The following DNAH14 variants were observed in gnomAD, a reference collection of about 807,000 sequenced individuals.
DNAH14 encodes the protein dynein axonemal heavy chain 14, also known as axonemal beta dynein heavy chain 14.
Under a neutral mutation model 520.9 loss-of-function variants are expected in DNAH14, and 478 were observed. The observed-to-expected ratio is 0.92, with a 90% CI of 0.85 to 0.99. The LOEUF (loss-of-function observed/expected upper bound fraction) is 0.99, where lower values mean the gene tolerates loss of function less well. Among genes scored for constraint, DNAH14 ranks in the 50% least tolerant of loss-of-function variants. The pLI is 0.00. For missense variants in DNAH14, 4,831 were observed against 5,234.5 expected, an observed-to-expected ratio of 0.92 and a Z score of 2.38; for synonymous variants, 1,581 against 1,757.2, an observed-to-expected ratio of 0.90 and a Z score of 2.51.
chr1:225,245,465 T>A (rs540901784), intron 43 of DNAH14, among the ~76,000 whole-genome samples: 16 of 152,244 alleles, frequency 1.1e-4, no homozygotes, highest in Admixed American at 4.6e-4. Context: ...CCCACCATTA[T>A]TGTGTGGGAG....
chr1:225,357,434 G>A (rs2095442554), intron 73 of DNAH14, among the ~76,000 whole-genome samples: 2 of 152,110 alleles, frequency 1.3e-5, no homozygotes, highest in African/African-American at 4.8e-5. Context: ...AAAAAATTAT[G>A]TTGACCATTT....
intron 26 of DNAH14, among the ~76,000 whole-genome samples, chr1:225,120,113 C>T (rs1423841620): frequency 2.6e-5 from 4 of 152,098 alleles, no homozygotes; most frequent in Admixed American, 6.5e-5. Context: ...AACTCAGTCT[C>T]CTGGAGAATT....
intron 73 of DNAH14, among the ~76,000 whole-genome samples, chr1:225,354,637 C>G (rs2095410203): frequency 3.3e-5 from 5 of 152,164 alleles, no homozygotes; most frequent in Admixed American, 3.3e-4. Flanking sequence ...AAATCTCAGA[C>G]AGCATGGCTC....
At chr1:225,254,003 G>A (rs909025683) in intron 44 of DNAH14, among the ~76,000 whole-genome samples, 4 of 152,126 alleles carry the variant, frequency 2.6e-5, no homozygotes, top group African/African-American at 9.7e-5. Flanking sequence ...GATATGACTA[G>A]AGGTGAATCA....
At chr1:225,211,873 A>AATTTATTTATTT (rs201563428) in intron 41 of DNAH14, among the ~76,000 whole-genome samples, 167 of 147,260 alleles carry the variant, frequency 1.1e-3, no homozygotes, top group East Asian at 8.3e-3. Context: ...TTCAACCCAG[A>AATTTATTTATTT]ATTTATTTAT....
chr1:225,184,937 T>G lies in DNAH14; in HGVS notation c.5536-354T>G, dbSNP rs966792705. Among the ~76,000 whole-genome samples, 14 of 151,998 alleles carry G rather than the reference T, an allele frequency of 9.2e-5. No homozygotes were observed. In the Middle Eastern group the frequency reaches 0.01, roughly 111 times the overall value. Reference sequence around the variant, plus strand: ...AGAACAACCAGGTAAAAGAAAGAAATAAAAGACATCCAAATAGGAAAAGAG... The same window carrying G: ...AGAACAACCAGGTAAAAGAAAGAAAGAAAAGACATCCAAATAGGAAAAGAG... On this transcript the variant is annotated intron_variant, in intron 36 of 85. Transcript: ENST00000682510.
chr1:225,049,894 T>G (rs2068375667), intron 15 of DNAH14, among the ~76,000 whole-genome samples: 1 of 152,150 alleles, frequency 6.6e-6, no homozygotes, highest in African/African-American at 2.4e-5. Flanking sequence ...TTTTATATCC[T>G]TGTAATGGTA....
In DNAH14 at chr1:225,146,706, G is replaced by A. The variant is rs540008643; in HGVS notation, c.4795-398G>A. 2.0e-4 allele frequency among the ~76,000 whole-genome samples: 31 copies of A among 152,334 alleles called. 1 individual carries two copies. The South Asian group carries it at 6.4e-3, about 32-fold the overall frequency. The stretch of plus-strand genomic sequence containing the variant: ...ATCTTTGCCTGATCCAGAAAAGGCA[G>A]CCCCCAGATTCACACACTTTACGCC... On this transcript the variant is annotated intron_variant, in intron 30 of 85. Coordinates refer to ENST00000682510, the MANE Select transcript of DNAH14 (RefSeq NM_001367479.1).
At chr1:225,197,217 A>G (rs902188666) in intron 38 of DNAH14, among the ~76,000 whole-genome samples, 1 of 152,152 alleles carries the variant, frequency 6.6e-6, no homozygotes, top group African/African-American at 2.4e-5. Context: ...TGATTTTTAT[A>G]TAAGGTGAGA....
At chr1:225,088,942 A>G (rs1428910077) in intron 21 of DNAH14, among the ~76,000 whole-genome samples, 6 of 152,254 alleles carry the variant, frequency 3.9e-5, no homozygotes, top group African/African-American at 1.4e-4. Context: ...TTTAACTGGT[A>G]GTTAAAAACA....
At chr1:225,056,532 T>A (rs1201032354) in intron 17 of DNAH14, among the ~76,000 whole-genome samples, 3 of 152,206 alleles carry the variant, frequency 2.0e-5, no homozygotes, top group Non-Finnish European at 4.4e-5. Flanking sequence ...CTCTTTAGTT[T>A]AATTAGATCC....
At chr1:225,343,014 C>G (rs188026448) in intron 69 of DNAH14, among the ~76,000 whole-genome samples, 2 of 152,308 alleles carry the variant, frequency 1.3e-5, no homozygotes, top group Admixed American at 1.3e-4. Flanking sequence ...TGTCTTGTAT[C>G]AGTGCAATGT....
At chr1:225,078,949 C>A (rs2072768880) in intron 17 of DNAH14, among the ~76,000 whole-genome samples, 1 of 150,540 alleles carries the variant, frequency 6.6e-6, no homozygotes. Flanking sequence ...CACCTTCTGC[C>A]ATGATTGTAG....
At chr1:225,149,250 T>C (rs1055565288) in intron 31 of DNAH14, among the ~76,000 whole-genome samples, 1 of 152,176 alleles carries the variant, frequency 6.6e-6, no homozygotes, top group Admixed American at 6.5e-5. Context: ...TGCAGCCTTA[T>C]TTTGGGGCTC....
At chr1:225,327,760 T>C (rs1486033780) in intron 64 of DNAH14, among the ~76,000 whole-genome samples, 2 of 147,544 alleles carry the variant, frequency 1.4e-5, no homozygotes, top group African/African-American at 5.0e-5. Context: ...GAAAAAAAAA[T>C]AGCGAAAATC....
intron 17 of DNAH14, among the ~76,000 whole-genome samples, chr1:225,053,062 G>C (rs2068695104): frequency 6.6e-6 from 1 of 152,000 alleles, no homozygotes; most frequent in African/African-American, 2.4e-5. Flanking sequence ...TATTTCCCAG[G>C]GGTACCCCCA....
chr1:225,115,456 G>C (rs903145470), intron 23 of DNAH14, among the ~76,000 whole-genome samples: 2 of 152,148 alleles, frequency 1.3e-5, no homozygotes, highest in Non-Finnish European at 2.9e-5. Flanking sequence ...TTTGAGATTT[G>C]TGGTGTACAT....
At chr1:225,122,299 C>T (rs1364486484) in intron 26 of DNAH14, among the ~76,000 whole-genome samples, 2 of 152,106 alleles carry the variant, frequency 1.3e-5, no homozygotes, top group Non-Finnish European at 2.9e-5. Context: ...ATACTAGTTT[C>T]TAACTACAAC....
At chr1:224,968,571 C>T (rs2061330815) in intron 6 of DNAH14, among the ~76,000 whole-genome samples, 188 bp from the exon 7 acceptor site, 1 of 152,052 alleles carries the variant, frequency 6.6e-6, no homozygotes, top group Admixed American at 6.5e-5. Context: ...AGTACAGAAG[C>T]AGTGTGTTGA....
Sources: allele counts gnomAD v4.1 joint callset (sites outside exome capture counted in the v4.1 genomes callset), GRCh38; gene constraint gnomAD v4.1.1; transcripts MANE v1.5; gene names NCBI Gene and HGNC (gene_info 2026-07-23, HGNC 2026-07-21).